TMEM232: variants seen among roughly 807,000 people sequenced by gnomAD.
TMEM232 encodes transmembrane protein 232.
TMEM232 carries 80 observed loss-of-function variants against 78.8 expected under a neutral mutation model. The observed-to-expected ratio is 1.01, with a 90% CI of 0.85 to 1.22. The LOEUF is 1.22. Ranked by LOEUF, TMEM232 falls within the 50% of genes most tolerant of loss-of-function variation. The probability of loss-of-function intolerance (pLI) is 0.00; values close to 1 mark genes in which losing one functional copy is unlikely to be tolerated. For missense variants in TMEM232, 881 were observed against 742.2 expected, an observed-to-expected ratio of 1.19 and a Z score of -2.17; for synonymous variants, 297 against 254.3, an observed-to-expected ratio of 1.17 and a Z score of -1.60.
At chr5:110,514,186 C>T (rs889306162) in intron 12 of TMEM232, among the ~76,000 whole-genome samples, 9 of 152,032 alleles carry the variant, frequency 5.9e-5, no homozygotes, top group Admixed American at 1.3e-4. Flanking sequence ...ACCATACCCC[C>T]GAAATACATG....
chr5:110,702,898 C>T (rs953056850), intron 1 of TMEM232, among the ~76,000 whole-genome samples: 3 of 152,018 alleles, frequency 2.0e-5, no homozygotes, highest in Admixed American at 2.0e-4. Context: ...ACAGACGTTA[C>T]ATGTAGCTCA....
At chr5:110,491,130 CA>C (rs1765043344) in intron 12 of TMEM232, among the ~76,000 whole-genome samples, 1 of 148,546 alleles carries the variant, frequency 6.7e-6, no homozygotes, top group African/African-American at 2.5e-5. Context: ...TCAGTGATAA[CA>C]GACAACTAAC....
intron 5 of TMEM232, among the ~76,000 whole-genome samples, chr5:110,633,754 C>T (rs1785454678): frequency 3.3e-5 from 5 of 152,092 alleles, no homozygotes. Flanking sequence ...TTATAAATTT[C>T]CCAGTCTCAG....
chr5:110,633,540 T>C (rs917343009), intron 5 of TMEM232, among the ~76,000 whole-genome samples: 1 of 151,942 alleles, frequency 6.6e-6, no homozygotes, highest in African/African-American at 2.4e-5. Flanking sequence ...TGGGGGTGGT[T>C]TCCCCATGCT....
At chr5:110,665,612 G>C (rs1790459275) in intron 2 of TMEM232, among the ~76,000 whole-genome samples, 1 of 151,654 alleles carries the variant, frequency 6.6e-6, no homozygotes, top group Admixed American at 6.6e-5. Context: ...AGAACAGCAA[G>C]GGGAAATCCA....
intron 12 of TMEM232, among the ~76,000 whole-genome samples, chr5:110,446,420 C>T (rs887020202): frequency 2.0e-5 from 3 of 152,198 alleles, no homozygotes; most frequent in Non-Finnish European, 4.4e-5. Flanking sequence ...TCTGGACCTA[C>T]TGGAATAGAA....
intron 10 of TMEM232, among the ~76,000 whole-genome samples, chr5:110,580,585 G>A (rs536267944): frequency 1.3e-5 from 2 of 151,658 alleles, no homozygotes; most frequent in East Asian, 3.9e-4. Context: ...ACTAAAGGGA[G>A]AAATACAGCA....
At chr5:110,611,793 A>C (rs553645359) in intron 8 of TMEM232, among the ~76,000 whole-genome samples, 109 of 152,284 alleles carry the variant, frequency 7.2e-4, no homozygotes, top group African/African-American at 2.6e-3. Flanking sequence ...CAAGGAGACA[A>C]GTTAAAAAGC....
chr5:110,407,482 T>G (rs1755834882), intron 2 of TMEM232, among the ~76,000 whole-genome samples: 1 of 152,142 alleles, frequency 6.6e-6, no homozygotes, highest in Non-Finnish European at 1.5e-5. Context: ...AATATCATAA[T>G]TATATAAATA....
At chr5:110,466,027 T>C (rs1762037392) in intron 12 of TMEM232, among the ~76,000 whole-genome samples, 1 of 152,134 alleles carries the variant, frequency 6.6e-6, no homozygotes, top group African/African-American at 2.4e-5. Context: ...AGATTAAAAA[T>C]ATATATACAA....
chr5:110,459,624 T>A (rs1367654813), intron 12 of TMEM232, among the ~76,000 whole-genome samples: 1 of 152,122 alleles, frequency 6.6e-6, no homozygotes, highest in Non-Finnish European at 1.5e-5. Flanking sequence ...ACAAGAAACA[T>A]CAATGGATAT....
At chr5:110,650,467 T>A (rs1184939643) in intron 2 of TMEM232, among the ~76,000 whole-genome samples, 1 of 152,118 alleles carries the variant, frequency 6.6e-6, no homozygotes, top group Non-Finnish European at 1.5e-5. Flanking sequence ...TCCAGCCAGG[T>A]GATCAAAATC....
chr5:110,480,230 CA>C (rs201775521), intron 12 of TMEM232, among the ~76,000 whole-genome samples: 19 of 146,790 alleles, frequency 1.3e-4, no homozygotes, highest in African/African-American at 3.2e-4. Context: ...ATTCTCCATG[CA>C]AAAAAAAATG....
At chr5:110,736,668 CT>C (rs1799204158) in intron 1 of TMEM232, among the ~76,000 whole-genome samples, 1 of 151,982 alleles carries the variant, frequency 6.6e-6, no homozygotes, top group African/African-American at 2.4e-5. Flanking sequence ...AGCTGCTTGC[CT>C]TTAGTAGGTG....
intron 2 of TMEM232, among the ~76,000 whole-genome samples, chr5:110,656,834 T>C (rs1789141877): frequency 6.8e-6 from 1 of 147,958 alleles, no homozygotes; most frequent in Non-Finnish European, 1.5e-5. Context: ...CAAGACTCCA[T>C]CTCTAAAAAA....
chr5:110,476,527 C>A (rs1763273240), intron 12 of TMEM232, among the ~76,000 whole-genome samples: 1 of 151,954 alleles, frequency 6.6e-6, no homozygotes, highest in Non-Finnish European at 1.5e-5. Context: ...CCCTAGCCAA[C>A]TAATGTATGT....
chr5:110,535,967 G>A (rs981352628), intron 11 of TMEM232, among the ~76,000 whole-genome samples: 7 of 152,316 alleles, frequency 4.6e-5, no homozygotes, highest in African/African-American at 1.7e-4. Flanking sequence ...TGTGGCAGAT[G>A]AAAAACTGAA....
At chr5:110,486,346 G>C (rs1376877303) in intron 12 of TMEM232, among the ~76,000 whole-genome samples, 2 of 151,964 alleles carry the variant, frequency 1.3e-5, no homozygotes, top group Non-Finnish European at 2.9e-5. Context: ...ATTTATCTTT[G>C]TTTTTATTGC....
chr5:110,564,355 C>A (rs1368454464), intron 11 of TMEM232, among the ~76,000 whole-genome samples: 1 of 151,850 alleles, frequency 6.6e-6, no homozygotes, highest in Admixed American at 6.6e-5. Context: ...ATGGAAAAAT[C>A]ATGTGTATTT....
Sources: allele counts gnomAD v4.1 joint callset (sites outside exome capture counted in the v4.1 genomes callset), GRCh38; gene constraint gnomAD v4.1.1; transcripts MANE v1.5; gene names NCBI Gene and HGNC (gene_info 2026-07-23, HGNC 2026-07-21).